The following PKD1L1 variants were observed in gnomAD, a reference collection of about 807,000 sequenced individuals.
The protein encoded by PKD1L1 is polycystin-1-like protein 1.
Under a neutral mutation model 323.4 loss-of-function variants are expected in PKD1L1, and 236 were observed. That is an observed-to-expected ratio of 0.73 (90% CI 0.66 to 0.81). The LOEUF (loss-of-function observed/expected upper bound fraction) is 0.81. Among genes scored for constraint, PKD1L1 ranks in the 40% least tolerant of loss-of-function variants. The probability of loss-of-function intolerance (pLI) is 0.00; values close to 1 mark genes in which losing one functional copy is unlikely to be tolerated. For synonymous variants in PKD1L1, 1,344 were observed against 1,335.0 expected (o/e 1.01, Z -0.15); for missense variants, 3,320 against 3,508.0 (o/e 0.95, Z 1.35).
chr7:47,930,275 G>A (rs1787741036), intron 6 of PKD1L1, among the ~76,000 whole-genome samples: 1 of 151,868 alleles, frequency 6.6e-6, no homozygotes, highest in Admixed American at 6.6e-5. Flanking sequence ...AAAAACACAG[G>A]CAGACAGATC....
chr7:47,951,920 G>A (rs1055973524), upstream of PKD1L1, among the ~76,000 whole-genome samples: 21 of 152,056 alleles, frequency 1.4e-4, no homozygotes, highest in Non-Finnish European at 2.8e-4. Flanking sequence ...GGAGCTTCCC[G>A]GGAAAGCACC....
intron 54 of PKD1L1, among the ~76,000 whole-genome samples, chr7:47,797,154 G>A (rs1784560087): frequency 6.6e-6 from 1 of 152,190 alleles, no homozygotes; most frequent in Non-Finnish European, 1.5e-5. Context: ...CTGACCCAGA[G>A]CCTCCCCTCC....
chr7:47,831,541 G>C (rs1221714468), intron 41 of PKD1L1, among the ~76,000 whole-genome samples, 189 bp from the exon 42 acceptor site: 1 of 152,220 alleles, frequency 6.6e-6, no homozygotes, highest in African/African-American at 2.4e-5. Flanking sequence ...ATCTGAATCA[G>C]CAGACTGAGT....
In PKD1L1 at chr7:47,908,201, G is replaced by C. The variant is rs759113323; in HGVS notation, c.1278C>G (p.Thr426=). ...KAVIYNEFHG[T]EVELGPYYVE... The stretch of plus-strand genomic sequence containing the variant: ...CATAATAAGGCCCAAGCTCCACTTC[G>C]GTTCCATGAAACTCGTTATAAATAA... The change falls in exon 9 of 57, where the codon ACC becomes ACG. Residue 426 remains threonine (T), a synonymous_variant. Coordinates refer to ENST00000289672, the MANE Select transcript of PKD1L1 (RefSeq NM_138295.5). 8 of 1,614,014 alleles carry C rather than the reference G, an allele frequency of 5.0e-6. No homozygotes were observed. Among genetic ancestry groups the C allele is most frequent in the Non-Finnish European group, 6.8e-6 (8 of 1,180,020 alleles).
At chr7:47,938,742 A>T (rs996513550) in intron 3 of PKD1L1, among the ~76,000 whole-genome samples, 5 of 152,164 alleles carry the variant, frequency 3.3e-5, no homozygotes, top group African/African-American at 1.2e-4. Context: ...GTCAAATCCT[A>T]AAGGCATCGA....
intron 33 of PKD1L1, among the ~76,000 whole-genome samples, chr7:47,844,346 A>G (rs1220587908): frequency 6.6e-6 from 1 of 152,212 alleles, no homozygotes; most frequent in African/African-American, 2.4e-5. Flanking sequence ...AAGGAGAAAA[A>G]AATTTAACAC....
chr7:47,825,560 T>C (rs1468709538), intron 45 of PKD1L1, among the ~76,000 whole-genome samples: 1 of 151,866 alleles, frequency 6.6e-6, no homozygotes, highest in Non-Finnish European at 1.5e-5. Flanking sequence ...ATATTAAAAC[T>C]TTGTTACAAG....
rs138494168 is a variant in PKD1L1, at chr7:47,799,800, C to G, written c.8193+849G>C. On this transcript the variant is annotated intron_variant, in intron 54 of 56. Coordinates refer to ENST00000289672, the MANE Select transcript of PKD1L1 (RefSeq NM_138295.5). ...AGCAGGGGTCCCAACCCTGAGCCTT[C>G]CATAGGAACACCTGTAGGGCCTTCT... 2.4e-3 allele frequency among the ~76,000 whole-genome samples: 367 copies of G among 152,286 alleles called. 1 individual carries two copies. Among genetic ancestry groups the G allele is most frequent in the Non-Finnish European group, 3.7e-3 (251 of 68,024 alleles).
At chr7:47,892,365 C>T (rs946199455) in intron 15 of PKD1L1, among the ~76,000 whole-genome samples, 4 of 152,114 alleles carry the variant, frequency 2.6e-5, no homozygotes, top group African/African-American at 4.8e-5. Flanking sequence ...GAAGGCCAAA[C>T]GGGCTGCACA....
At position 47,904,506 on chromosome 7, in the gene PKD1L1, T is replaced by C. The variant is rs1787158406; in HGVS notation, c.1803A>G (p.Ser601=). The C allele has an allele frequency of 3.1e-6, 5 of 1,614,076 alleles. No homozygotes were observed. The highest frequency in any genetic ancestry group is 4.2e-6 in the Non-Finnish European group (5 of 1,180,018). The part of the protein sequence containing the change: ...IVANRLTSPS[S]ALVNASVAFE... The stretch of plus-strand genomic sequence containing the variant: ...AGGCCACACTGGCATTTACCAGAGC[T>C]GAGGAGGGGGACGTGAGCCGATTGG... The change falls in exon 12 of 57, where the codon TCA becomes TCG. Residue 601 remains serine, a synonymous_variant. Transcript: ENST00000289672.
At chr7:47,842,474 G>T (rs958859075) in intron 34 of PKD1L1, among the ~76,000 whole-genome samples, 4 of 152,148 alleles carry the variant, frequency 2.6e-5, no homozygotes, top group Admixed American at 6.5e-5. Flanking sequence ...ACATGGCTCT[G>T]CCGGGCTCAA....
Position 47,931,217 on chromosome 7 carries a change from C to G in PKD1L1, c.624G>C (p.Leu208=). ...TCTCCATCGTGACAGTCCCAGGAAGCAGCCCCGTGGCCACATCCTCCGCAC... is the reference window on the plus strand; with the variant it reads ...TCTCCATCGTGACAGTCCCAGGAAGGAGCCCCGTGGCCACATCCTCCGCAC... The part of the protein sequence containing the change: ...LCCAEDVATG[L]LPGTVTMETP... Residue 208 remains leucine, a synonymous_variant, in exon 6 of 57, where the codon CTG becomes CTC. Transcript: ENST00000289672. 6.2e-7 allele frequency: 1 copy of G among 1,614,248 alleles called. No homozygotes were observed. The highest frequency in any genetic ancestry group is 1.3e-5 in the African/African-American group (1 of 75,072).
intron 8 of PKD1L1, among the ~76,000 whole-genome samples, chr7:47,910,022 T>A (rs747179477): frequency 3.0e-4 from 45 of 152,218 alleles, no homozygotes; most frequent in Non-Finnish European, 6.0e-4. Context: ...ATATCTCAAA[T>A]GTTGAGACAA....
At chr7:47,888,945 T>C (rs111911465) in intron 16 of PKD1L1, among the ~76,000 whole-genome samples, 8,020 of 152,246 alleles carry the variant, frequency 0.053, 541 homozygotes, top group African/African-American at 0.16. Flanking sequence ...GTGTGGTACC[T>C]GGTGTCTCCC....
intron 54 of PKD1L1, among the ~76,000 whole-genome samples, chr7:47,799,613 T>C (rs913037669): frequency 1.3e-5 from 2 of 152,124 alleles, no homozygotes; most frequent in African/African-American, 4.8e-5. Flanking sequence ...CTCAGAGCCT[T>C]TGGGGGTCCA....
intron 24 of PKD1L1, among the ~76,000 whole-genome samples, 176 bp downstream of exon 24, chr7:47,873,723 T>C (rs530181766): frequency 1.1e-4 from 17 of 150,918 alleles, no homozygotes; most frequent in African/African-American, 3.7e-4. Flanking sequence ...AAGAATGCCA[T>C]GCAAATATGA....
chr7:47,775,451 G>A (rs1484693067), intron 56 of PKD1L1, among the ~76,000 whole-genome samples: 1 of 152,088 alleles, frequency 6.6e-6, no homozygotes, highest in Admixed American at 6.5e-5. Flanking sequence ...GACCACAGCA[G>A]AATAAAATTA....
intron 7 of PKD1L1, among the ~76,000 whole-genome samples, chr7:47,922,102 C>T (rs891676887): frequency 5.3e-5 from 8 of 152,196 alleles, no homozygotes; most frequent in African/African-American, 1.4e-4. Context: ...TTGGTGGAGA[C>T]GGGGTTTTGC....
In PKD1L1 at chr7:47,893,816, C is replaced by T. The variant is rs1786875178; in HGVS notation, c.2453+62G>A. 2.0e-6 allele frequency: 3 copies of T among 1,520,866 alleles called. No homozygotes were observed. The Admixed American group carries it at 5.8e-5, about 30-fold the overall frequency. The allele number at this position is 1,520,866 out of a possible 1,614,324, so 94.2% of individuals were successfully genotyped here. A position where few individuals can be genotyped will look rare whatever the true frequency, so the allele number is the denominator to read the frequency against. On this transcript the variant is annotated intron_variant, in intron 15 of 56. Transcript: ENST00000289672. ...ATTAATAGCCTCCAACGTTCCAGAG[C>T]CTGCATTTGCAGAATGCGCGGTCTG...
Sources: allele counts gnomAD v4.1 joint callset (sites outside exome capture counted in the v4.1 genomes callset), GRCh38; gene constraint gnomAD v4.1.1; transcripts MANE v1.5; gene names NCBI Gene and HGNC (gene_info 2026-07-23, HGNC 2026-07-21).